Variants in NHS observed in about 807,000 individuals in gnomAD.
The protein encoded by NHS is actin remodeling regulator NHS.
A neutral mutation model predicts 72.5 loss-of-function variants in NHS; 5 were observed. That is an observed-to-expected ratio of 0.07 (90% CI 0.04 to 0.14). The LOEUF is 0.14. Among genes scored for constraint, NHS ranks in the 10% least tolerant of loss-of-function variants. The pLI is 1.00. For missense variants in NHS, 1,072 were observed against 1,355.7 expected (o/e 0.79, Z 3.29); for synonymous variants, 464 against 547.7 (o/e 0.85, Z 2.13).
chrX:17,572,912 G>A (rs1299798415), intron 1 of NHS, among the ~76,000 whole-genome samples: 1 of 111,659 alleles, frequency 9.0e-6, no homozygotes, highest in Non-Finnish European at 1.9e-5. Context: ...TCTCTGTAAA[G>A]TATTTTATTT....
chrX:17,731,166 T>TA (rs2147147485), intron 8 of NHS, among the ~76,000 whole-genome samples: 1 of 109,564 alleles, frequency 9.1e-6, no homozygotes, highest in East Asian at 2.8e-4. Context: ...AAGAAAAAGT[T>TA]ATAGTCTTTC....
chrX:17,436,910 G>T (rs1187032995), intron 1 of NHS, among the ~76,000 whole-genome samples: 2 of 111,755 alleles, frequency 1.8e-5, no homozygotes, highest in Non-Finnish European at 3.8e-5. Flanking sequence ...CTTTTCCAAA[G>T]TTATGCAACT....
chrX:17,528,178 G>A (rs983596346), intron 1 of NHS, among the ~76,000 whole-genome samples: 1 of 111,810 alleles, frequency 8.9e-6, no homozygotes, highest in Non-Finnish European at 1.9e-5. Flanking sequence ...GAGAAAAGGG[G>A]CATCTGGTGA....
chrX:17,512,834 T>C (rs1449144759), intron 1 of NHS, among the ~76,000 whole-genome samples: 4 of 112,244 alleles, frequency 3.6e-5, no homozygotes, highest in Non-Finnish European at 7.5e-5. Flanking sequence ...ATGGTGGTTT[T>C]ATTTTTTAAG....
Position 17,430,496 on chromosome X carries a change from T to G in NHS, c.565+54174T>G, listed in dbSNP as rs189901978. On this transcript the variant is annotated intron_variant, in intron 1 of 8. Transcript: ENST00000676302. ...CTAAACATTTATAGCGTAAAATGTT[T>G]ATTTTAAAAAACATTTAAAAATAAC... Among the ~76,000 whole-genome samples, 296 of 106,045 alleles carry G rather than the reference T, an allele frequency of 2.8e-3. 2 individuals carry two copies. Among genetic ancestry groups the G allele is most frequent in the Non-Finnish European group, 5.2e-3 (269 of 51,735 alleles). The allele number at this position is 106,045 out of a possible 115,157, so 92.1% of individuals were successfully genotyped here. A position where few individuals can be genotyped will look rare whatever the true frequency, so the allele number is the denominator to read the frequency against.
intron 3 of NHS, among the ~76,000 whole-genome samples, chrX:17,718,596 GAAA>G (rs1471404306): frequency 2.2e-5 from 2 of 91,694 alleles, no homozygotes; most frequent in Non-Finnish European, 4.3e-5. Context: ...AGGGAGGAAA[GAAA>G]GAAGGAAGGA....
At chrX:17,731,592 T>TCC (rs1244020200) in intron 8 of NHS, among the ~76,000 whole-genome samples, 3 of 111,108 alleles carry the variant, frequency 2.7e-5, no homozygotes, top group African/African-American at 9.8e-5. Flanking sequence ...ACCTCTAGCC[T>TCC]CCACATTAGC....
rs1389276487 is a variant in NHS, at chrX:17,424,881, T to G, written c.565+48559T>G. ...GTGAATCCTTGTATAAGGGAAAGTA[T>G]CTTGTATATTCTGTATCCTTTAGGA... On this transcript the variant is annotated intron_variant, in intron 1 of 8. Transcript: ENST00000676302. Among the ~76,000 whole-genome samples, 3 of 111,427 alleles carry G rather than the reference T, an allele frequency of 2.7e-5. No homozygotes were observed. The Admixed American group carries it at 2.9e-4, about 11-fold the overall frequency.
chrX:17,474,858 C>A (rs1468983105), intron 1 of NHS, among the ~76,000 whole-genome samples: 1 of 111,261 alleles, frequency 9.0e-6, no homozygotes, highest in Non-Finnish European at 1.9e-5. Flanking sequence ...ACTATGACAT[C>A]TCAATCTTGT....
At position 17,725,368 on chromosome X, in the gene NHS, C is replaced by T. The variant is rs769581036; in HGVS notation, c.1262C>T (p.Ala421Val). Residue 421 changes from alanine to valine, a missense_variant, in exon 7 of 9, where the codon GCC becomes GTC. Transcript: ENST00000676302. ...QEIDSDESPV[A>V]RERNVIVHTN... ...CTAGATTCTGATGAATCACCAGTGGCCAGGGAAAGGAATGTGATTGTGCAC... is the reference window on the plus strand; with the variant it reads ...CTAGATTCTGATGAATCACCAGTGGTCAGGGAAAGGAATGTGATTGTGCAC... The T allele has an allele frequency of 8.3e-7, 1 of 1,206,683 alleles. No individual in the cohort carries two copies. Among genetic ancestry groups the T allele is most frequent in the South Asian group, 1.8e-5 (1 of 56,817 alleles).
At chrX:17,702,485 G>A (rs949589491) in intron 3 of NHS, among the ~76,000 whole-genome samples, 19 of 111,080 alleles carry the variant, frequency 1.7e-4, no homozygotes, top group African/African-American at 4.3e-4. Context: ...GAGTTTGTTC[G>A]AGACCAGCCT....
intron 1 of NHS, among the ~76,000 whole-genome samples, chrX:17,391,021 G>A (rs1331651981): frequency 1.8e-5 from 2 of 112,014 alleles, no homozygotes. Flanking sequence ...AAAGGTTTTA[G>A]TGGCTGTTGA....
In NHS at chrX:17,732,187, C is replaced by T. The variant is rs1601862652; in HGVS notation, c.4679C>T (p.Thr1560Ile). 1.7e-6 allele frequency: 2 copies of T among 1,211,956 alleles called. No homozygotes were observed. The highest frequency in any genetic ancestry group is 2.2e-6 in the Non-Finnish European group (2 of 895,519). The stretch of plus-strand genomic sequence containing the variant: ...CTCACAGCAGAGTCCCCTCAGAGCA[C>T]CGATGATGCCCATCAGGGGTCACAA... ...GELTAESPQS[T>I]DDAHQGSQGA... The change falls in exon 9 of 9, where the codon ACC becomes ATC. Residue 1560 changes from threonine to isoleucine, a missense_variant. Coordinates refer to ENST00000676302, the MANE Select transcript of NHS (RefSeq NM_001291867.2).
At chrX:17,503,331 A>G (rs1056781192) in intron 1 of NHS, among the ~76,000 whole-genome samples, 7 of 112,006 alleles carry the variant, frequency 6.2e-5, no homozygotes, top group Non-Finnish European at 1.3e-4. Flanking sequence ...GTAATGTTGG[A>G]GTGAGGATGC....
At chrX:17,630,517 C>G (rs1300066221) in intron 1 of NHS, among the ~76,000 whole-genome samples, 3 of 110,008 alleles carry the variant, frequency 2.7e-5, no homozygotes, top group Non-Finnish European at 5.7e-5. Context: ...TGCCCTCTTC[C>G]CCAGAGACTT....
intron 1 of NHS, among the ~76,000 whole-genome samples, chrX:17,620,755 A>C (rs1467945967): frequency 9.0e-6 from 1 of 111,689 alleles, no homozygotes; most frequent in Non-Finnish European, 1.9e-5. Flanking sequence ...TGGGAGGAGA[A>C]TATTCTGGGC....
In NHS at chrX:17,430,315, CCTTT is replaced by C. The variant is rs1555988134; in HGVS notation, c.565+54006_565+54009del. Among the ~76,000 whole-genome samples the C allele has an allele frequency of 5.8e-3, 341 of 58,852 alleles. 10 individuals carry two copies. Among genetic ancestry groups the C allele is most frequent in the African/African-American group, 0.021 (306 of 14,682 alleles). 51.1% of individuals were successfully genotyped at this position (58,852 alleles called of 115,157 possible). ...TCTTTCTTTCTTTCTTTCTTTCTTTCCTTTCTTTCTTTCTTTTTCTTCTCTTTCT... is the reference window on the plus strand; with the variant it reads ...TCTTTCTTTCTTTCTTTCTTTCTTTCCTTTCTTTCTTTTTCTTCTCTTTCT... On this transcript the variant is annotated intron_variant, in intron 1 of 8. Transcript: ENST00000676302.
chrX:17,380,822 T>C (rs937703312), intron 1 of NHS, among the ~76,000 whole-genome samples: 2 of 111,572 alleles, frequency 1.8e-5, no homozygotes, highest in African/African-American at 6.5e-5. Context: ...ACTGAATAAT[T>C]ATGGATATCA....
At chrX:17,575,307 C>T (rs1284045869) in intron 1 of NHS, among the ~76,000 whole-genome samples, 2 of 113,240 alleles carry the variant, frequency 1.8e-5, no homozygotes, top group Admixed American at 1.9e-4. Context: ...GCTGTTCCCA[C>T]CGGTCCAGCT....
Sources: allele counts gnomAD v4.1 joint callset (sites outside exome capture counted in the v4.1 genomes callset), GRCh38; gene constraint gnomAD v4.1.1; transcripts MANE v1.5; gene names NCBI Gene and HGNC (gene_info 2026-07-23, HGNC 2026-07-21).